The following SYT17 variants were observed in gnomAD, a reference collection of about 807,000 sequenced individuals.
SYT17 encodes the protein synaptotagmin-17.
A neutral mutation model predicts 46.7 loss-of-function variants in SYT17; 22 were observed. That is an observed-to-expected ratio of 0.47 (90% CI 0.34 to 0.67). The LOEUF (loss-of-function observed/expected upper bound fraction) is 0.67. Among genes scored for constraint, SYT17 ranks in the 30% least tolerant of loss-of-function variants. The pLI is 0.01. For missense variants in SYT17, 519 were observed against 612.8 expected, an observed-to-expected ratio of 0.85 and a Z score of 1.62; for synonymous variants, 251 against 248.4, an observed-to-expected ratio of 1.01 and a Z score of -0.10.
At chr16:19,244,387 G>T (rs75626805) in intron 7 of SYT17, among the ~76,000 whole-genome samples, 5,136 of 151,968 alleles carry the variant, frequency 0.034, 304 homozygotes, top group African/African-American at 0.12. Flanking sequence ...AGGCTGGAAT[G>T]CAGTGGCACA....
intron 7 of SYT17, among the ~76,000 whole-genome samples, chr16:19,264,508 C>T (rs747619809): frequency 6.6e-6 from 1 of 151,998 alleles, no homozygotes; most frequent in Non-Finnish European, 1.5e-5. Flanking sequence ...TTATTTTGAA[C>T]AGATGCTGTG....
intron 5 of SYT17, among the ~76,000 whole-genome samples, chr16:19,203,412 G>A (rs562598109): frequency 3.9e-5 from 6 of 152,096 alleles, no homozygotes; most frequent in Admixed American, 2.0e-4. Context: ...TAGGAGAATC[G>A]CTTGAGCCTG....
intron 7 of SYT17, among the ~76,000 whole-genome samples, chr16:19,241,730 A>G (rs939026490): frequency 2.6e-5 from 4 of 152,132 alleles, no homozygotes; most frequent in Admixed American, 6.5e-5. Flanking sequence ...CCCTCCCCAC[A>G]GCTACGGCGG....
chr16:19,181,889 C>G (rs1964570841), intron 4 of SYT17, among the ~76,000 whole-genome samples: 1 of 151,598 alleles, frequency 6.6e-6, no homozygotes, highest in Admixed American at 6.6e-5. Flanking sequence ...ATCCCAGCTA[C>G]CTGGGAGGCT....
In SYT17 at chr16:19,220,303, C is replaced by CTTTTTTTTTTTTT. The variant is rs1555459738; in HGVS notation, c.952-2737_952-2725dup. On this transcript the variant is annotated intron_variant, in intron 5 of 7. Transcript: ENST00000355377. The stretch of plus-strand genomic sequence containing the variant: ...TTCAATGACATTTCTTTCTTTCTTT[C>CTTTTTTTTTTTTT]TTTTTTTTTTTTTTTTTGAGATGAA... 2.2e-3 allele frequency among the ~76,000 whole-genome samples: 180 copies of CTTTTTTTTTTTTT among 80,490 alleles called. 4 individuals are homozygous for CTTTTTTTTTTTTT. The highest frequency in any genetic ancestry group is 8.7e-3 in the African/African-American group (173 of 19,860). The allele number at this position is 80,490 out of a possible 152,430, so 52.8% of individuals were successfully genotyped here. A position where few individuals can be genotyped will look rare whatever the true frequency, so the allele number is the denominator to read the frequency against.
rs1348959741 is a variant in SYT17 at position 19,252,418 on chromosome 16, T to C, written c.1229-14462T>C. 5.6e-4 allele frequency among the ~76,000 whole-genome samples: 15 copies of C among 26,816 alleles called. 3 individuals carry two copies. Among genetic ancestry groups the C allele is most frequent in the African/African-American group, 1.9e-3 (6 of 3,178 alleles). The allele number at this position is 26,816 out of a possible 152,430, so 17.6% of individuals were successfully genotyped here. On this transcript the variant is annotated intron_variant, in intron 7 of 7. Transcript: ENST00000355377. ...ACATATATATACATATATATATACATATATATATACATATATATACATATA... is the reference window on the plus strand; with the variant it reads ...ACATATATATACATATATATATACACATATATATACATATATATACATATA...
At chr16:19,206,868 T>TCCC (rs1965691713) in intron 5 of SYT17, among the ~76,000 whole-genome samples, 2 of 152,184 alleles carry the variant, frequency 1.3e-5, no homozygotes, top group African/African-American at 4.8e-5. Flanking sequence ...TATTTCCAAA[T>TCCC]AAGGACTGTG....
chr16:19,239,738 G>A (rs1482914855), intron 7 of SYT17, among the ~76,000 whole-genome samples: 1 of 152,206 alleles, frequency 6.6e-6, no homozygotes, highest in Non-Finnish European at 1.5e-5. Context: ...GCCTTTGTCT[G>A]AGTTTTGCCT....
At chr16:19,235,674 G>C (rs575548723) in intron 7 of SYT17, among the ~76,000 whole-genome samples, 27 of 152,306 alleles carry the variant, frequency 1.8e-4, no homozygotes, top group African/African-American at 6.3e-4. Flanking sequence ...CATGCTCCAC[G>C]AAGTAAGGGT....
chr16:19,212,998 G>T (rs1387797569), intron 5 of SYT17, among the ~76,000 whole-genome samples: 1 of 152,202 alleles, frequency 6.6e-6, no homozygotes, highest in Non-Finnish European at 1.5e-5. Context: ...AGACTCAGTG[G>T]AGGCAGTGAA....
intron 5 of SYT17, among the ~76,000 whole-genome samples, chr16:19,217,926 G>T (rs79292360): frequency 0.028 from 4,307 of 152,312 alleles, 207 homozygotes; most frequent in African/African-American, 0.098. Context: ...TCCACCAATA[G>T]ATACTGAGTT....
At position 19,172,439 on chromosome 16, in the gene SYT17, G is replaced by A. The variant is rs1315467316; in HGVS notation, c.16-321G>A. On this transcript the variant is annotated intron_variant, in intron 1 of 7. Transcript: ENST00000355377. The stretch of plus-strand genomic sequence containing the variant: ...TCTTCTCCTGAAGTGTGGCTGCATT[G>A]GATAGCATGACTATCTATCCGCCCG... The A allele has an allele frequency of 3.5e-6, 5 of 1,439,708 alleles. No homozygotes were observed. The East Asian group carries it at 1.3e-4, about 36-fold the overall frequency. 89.2% of individuals were successfully genotyped at this position (1,439,708 alleles called of 1,614,324 possible). A position where few individuals can be genotyped will look rare whatever the true frequency, so the allele number is the denominator to read the frequency against.
At chr16:19,172,437 T>C (rs964910706) in intron 1 of SYT17, 10 of 1,438,492 alleles carry the variant, frequency 7.0e-6, no homozygotes, top group Non-Finnish European at 8.1e-6. Flanking sequence ...TGTGGCTGCA[T>C]TGGATAGCAT....
chr16:19,197,831 G>C (rs1965313160), intron 5 of SYT17, among the ~76,000 whole-genome samples: 1 of 152,182 alleles, frequency 6.6e-6, no homozygotes, highest in Non-Finnish European at 1.5e-5. Flanking sequence ...GCAGCACAGA[G>C]AGGTTGAGTG....
At chr16:19,231,342 G>A (rs111451719) in intron 7 of SYT17, among the ~76,000 whole-genome samples, 6,889 of 151,922 alleles carry the variant, frequency 0.045, 206 homozygotes, top group Middle Eastern at 0.11. Flanking sequence ...AGGCCAAGGC[G>A]GGTGGATCAC....
rs150344283 is a variant in SYT17, at chr16:19,229,440, T to C, written c.1228+4602T>C. Among the ~76,000 whole-genome samples, 1,233 of 152,070 alleles carry C rather than the reference T, an allele frequency of 8.1e-3. 23 individuals are homozygous for C. The highest frequency in any genetic ancestry group is 0.028 in the African/African-American group (1,178 of 41,488). On this transcript the variant is annotated intron_variant, in intron 7 of 7. Coordinates refer to ENST00000355377, the MANE Select transcript of SYT17 (RefSeq NM_016524.4). ...TGAAGGGGGAGGTGCCACACACTTT[T>C]AAACAAGCAGATCTCAGGAGAACTC... is the stretch of plus-strand genomic sequence containing the variant.
At chr16:19,260,708 T>A (rs1290946170) in intron 7 of SYT17, among the ~76,000 whole-genome samples, 1 of 152,094 alleles carries the variant, frequency 6.6e-6, no homozygotes. Flanking sequence ...AATTGTATTT[T>A]TGGCTTACAA....
intron 5 of SYT17, among the ~76,000 whole-genome samples, chr16:19,213,788 C>T (rs543029527): frequency 1.3e-5 from 2 of 152,144 alleles, no homozygotes; most frequent in South Asian, 2.1e-4. Context: ...CCTCAGCCTC[C>T]CGAGTAGTTG....
intron 7 of SYT17, among the ~76,000 whole-genome samples, chr16:19,239,054 G>T (rs3785352): frequency 0.071 from 10,747 of 151,850 alleles, 809 homozygotes; most frequent in East Asian, 0.22. Flanking sequence ...GGGGCAGGAG[G>T]ATTGCTCGGG....
Sources: allele counts gnomAD v4.1 joint callset (sites outside exome capture counted in the v4.1 genomes callset), GRCh38; gene constraint gnomAD v4.1.1; transcripts MANE v1.5; gene names NCBI Gene and HGNC (gene_info 2026-07-23, HGNC 2026-07-21).